ACTN1: variants seen among roughly 807,000 people sequenced by gnomAD.
ACTN1 encodes the protein actinin alpha 1, also known as alpha-actinin-1.
In ACTN1, 30 loss-of-function variants were observed where a neutral mutation model predicts 119.6. The ratio of observed to expected loss-of-function variants is 0.25; its 90% CI spans 0.19 to 0.34. The LOEUF (loss-of-function observed/expected upper bound fraction) is 0.34, where lower values mean the gene tolerates loss of function less well. Among genes scored for constraint, ACTN1 ranks in the 10% least tolerant of loss-of-function variants. ACTN1 has a pLI of 1.00. For synonymous variants in ACTN1, 429 were observed against 472.6 expected (o/e 0.91, Z 1.20); for missense variants, 764 against 1,223.4 (o/e 0.62, Z 5.60).
Position 68,874,739 on chromosome 14 carries a change from G to A in ACTN1, c.*120C>T. 9.6e-7 allele frequency: 1 copy of A among 1,041,482 alleles called. No homozygotes were observed. The highest frequency in any genetic ancestry group is 2.9e-5 in the South Asian group (1 of 34,852). The allele number at this position is 1,041,482 out of a possible 1,614,324, so 64.5% of individuals were successfully genotyped here. A position where few individuals can be genotyped will look rare whatever the true frequency, so the allele number is the denominator to read the frequency against. ...GGGCAGGGAGGATCGATGCCACGTG[G>A]GCCCCAGCTCACCCGGGTGGAGGCT... On this transcript the variant is annotated 3_prime_UTR_variant, in exon 22 of 22. Coordinates refer to ENST00000394419, the MANE Select transcript of ACTN1 (RefSeq NM_001130004.2).
chr14:68,885,692 G>T lies in ACTN1; in HGVS notation c.1235-117C>A. 1 of 1,237,466 alleles carries T rather than the reference G, an allele frequency of 8.1e-7. No homozygotes were observed. Among genetic ancestry groups the T allele is most frequent in the Non-Finnish European group, 1.1e-6 (1 of 897,828 alleles). 76.7% of individuals were successfully genotyped at this position (1,237,466 alleles called of 1,614,324 possible). A position where few individuals can be genotyped will look rare whatever the true frequency, so the allele number is the denominator to read the frequency against. ...TTCTGGGGGTGCTTCTCAAGGAGGTGCCCATTGTGCAGGGATCTGCAGGGT... is the reference window on the plus strand; with the variant it reads ...TTCTGGGGGTGCTTCTCAAGGAGGTTCCCATTGTGCAGGGATCTGCAGGGT... On this transcript the variant is annotated intron_variant, in intron 11 of 21. Transcript: ENST00000394419. This position sits in a 1 kb window ranked among gnomAD's most constrained non-coding sequence, Gnocchi z 5.6.
intron 1 of ACTN1, among the ~76,000 whole-genome samples, chr14:68,977,023 G>A (rs1415737573): frequency 6.6e-6 from 1 of 152,174 alleles, no homozygotes; most frequent in Non-Finnish European, 1.5e-5. Context: ...CCGGTGCTCA[G>A]TGTCTGTCCC....
At chr14:68,920,610 T>C (rs928059633) in intron 3 of ACTN1, among the ~76,000 whole-genome samples, 21 of 151,806 alleles carry the variant, frequency 1.4e-4, no homozygotes, top group Non-Finnish European at 2.4e-4. Flanking sequence ...CCCCGGGGAG[T>C]CTCGGGGCAG....
In ACTN1 at chr14:68,885,624, C is replaced by T. The variant is rs777936952; in HGVS notation, c.1235-49G>A. 2 of 1,593,516 alleles carry T rather than the reference C, an allele frequency of 1.3e-6. No homozygotes were observed. Among genetic ancestry groups the T allele is most frequent in the African/African-American group, 1.3e-5 (1 of 74,878 alleles). On this transcript the variant is annotated intron_variant, in intron 11 of 21. Transcript: ENST00000394419. This position sits in a 1 kb window ranked among gnomAD's most constrained non-coding sequence, Gnocchi z 5.6. ...GCTGAGCTGGAGTGAGAAGCATCTC[C>T]TTGGTCCCAACCGCCCACCCCTCAG...
At chr14:68,971,746 A>G (rs1594887484) in intron 1 of ACTN1, among the ~76,000 whole-genome samples, 1 of 152,060 alleles carries the variant, frequency 6.6e-6, no homozygotes, top group African/African-American at 2.4e-5. Context: ...CCTAGGGAAG[A>G]CCCCACTCCC....
At chr14:68,903,072 C>T (rs1413447780) in intron 7 of ACTN1, among the ~76,000 whole-genome samples, 2 of 152,062 alleles carry the variant, frequency 1.3e-5, no homozygotes, top group East Asian at 3.9e-4. Flanking sequence ...AGGATGTATT[C>T]GGAAGTATGC....
chr14:68,895,941 C>G (rs2032843839), intron 8 of ACTN1, among the ~76,000 whole-genome samples: 2 of 152,124 alleles, frequency 1.3e-5, no homozygotes, highest in Non-Finnish European at 2.9e-5. Context: ...TGGGGACTTT[C>G]CACAAAGATC....
chr14:68,883,250 C>T, intron 14 of ACTN1, 195 bp from the exon 15 acceptor site: 3 of 617,084 alleles, frequency 4.9e-6, no homozygotes. Flanking sequence ...GCAACAGCTT[C>T]ATCCTTAGGG....
At chr14:68,954,309 A>G (rs140896077) in intron 1 of ACTN1, among the ~76,000 whole-genome samples, 36 of 151,608 alleles carry the variant, frequency 2.4e-4, no homozygotes, top group African/African-American at 7.8e-4. Flanking sequence ...GCTGTTACAC[A>G]CAGAGAATTT....
intron 3 of ACTN1, among the ~76,000 whole-genome samples, chr14:68,920,408 C>A (rs548605888): frequency 6.6e-6 from 1 of 152,238 alleles, no homozygotes; most frequent in East Asian, 1.9e-4. Flanking sequence ...TCTAAACAAC[C>A]CACTCTCAAT....
chr14:68,894,451 CA>C (rs1348010427), intron 8 of ACTN1, among the ~76,000 whole-genome samples: 2 of 152,154 alleles, frequency 1.3e-5, no homozygotes, highest in African/African-American at 4.8e-5. Flanking sequence ...GCCTCAGCAG[CA>C]AAGGGAAGGA....
At chr14:68,902,823 T>C (rs917657430) in intron 7 of ACTN1, among the ~76,000 whole-genome samples, 6 of 152,060 alleles carry the variant, frequency 3.9e-5, no homozygotes, top group African/African-American at 1.2e-4. Context: ...AGCAAGTTCA[T>C]TGGCAGGAAT....
chr14:68,928,656 C>A (rs1175441297), intron 1 of ACTN1, among the ~76,000 whole-genome samples: 2 of 152,144 alleles, frequency 1.3e-5, no homozygotes, highest in African/African-American at 2.4e-5. Context: ...AAGATTAACT[C>A]AAAAACATCT....
chr14:68,875,163 C>T (rs1318422885), intron 21 of ACTN1, 146 bp from the exon 22 acceptor site: 4 of 1,525,332 alleles, frequency 2.6e-6, no homozygotes, highest in South Asian at 1.2e-5. Context: ...GATGTACGGA[C>T]GTAAATATCC....
intron 1 of ACTN1, among the ~76,000 whole-genome samples, chr14:68,962,055 C>A (rs1031800276): frequency 6.6e-6 from 1 of 152,152 alleles, no homozygotes; most frequent in African/African-American, 2.4e-5. Flanking sequence ...GCTGAGTGGC[C>A]GGCAGAGAGA....
chr14:68,883,783 A>G (rs1256379090), intron 14 of ACTN1, among the ~76,000 whole-genome samples: 1 of 152,100 alleles, frequency 6.6e-6, no homozygotes, highest in Non-Finnish European at 1.5e-5. Context: ...GTCTCTAAAA[A>G]AATAAAATAA....
intron 16 of ACTN1, among the ~76,000 whole-genome samples, chr14:68,881,932 GCTT>G (rs1437495492): frequency 1.0e-4 from 8 of 76,300 alleles, no homozygotes; most frequent in African/African-American, 4.8e-4. Context: ...TTCATAGGCA[GCTT>G]CTTTTTTTTT....
In ACTN1 at chr14:68,961,435, A is replaced by G. The variant is rs541078816; in HGVS notation, c.105+17517T>C. On this transcript the variant is annotated intron_variant, in intron 1 of 21. Coordinates refer to ENST00000394419, the MANE Select transcript of ACTN1 (RefSeq NM_001130004.2). ...GTCATTTTTCTCCCCTAACTTATCT[A>G]TCTTCTCAAATGGAAACAGAGGCCC... 2.4e-4 allele frequency among the ~76,000 whole-genome samples: 36 copies of G among 152,332 alleles called. No individual in the cohort carries two copies. In the South Asian group the frequency reaches 6.6e-3, roughly 28 times the overall value.
intron 1 of ACTN1, among the ~76,000 whole-genome samples, chr14:68,931,545 G>A (rs1353494209): frequency 6.6e-6 from 1 of 152,128 alleles, no homozygotes; most frequent in Non-Finnish European, 1.5e-5. Context: ...GGCAGAATAG[G>A]CCAGTGGTGA....
Sources: allele counts gnomAD v4.1 joint callset (sites outside exome capture counted in the v4.1 genomes callset), GRCh38; gene constraint gnomAD v4.1.1; non-coding constraint Gnocchi (gnomAD v3.1); transcripts MANE v1.5; gene names NCBI Gene and HGNC (gene_info 2026-07-23, HGNC 2026-07-21).